The following CFAP43 variants were observed in gnomAD, a reference collection of about 807,000 sequenced individuals.
The protein encoded by CFAP43 is cilia- and flagella-associated protein 43.
Under a neutral mutation model 218.9 loss-of-function variants are expected in CFAP43, and 155 were observed. The observed-to-expected ratio is 0.71, with a 90% CI of 0.62 to 0.81. The LOEUF is 0.81. Ranked by LOEUF, CFAP43 falls within the 30% of genes least tolerant of loss-of-function variation. The pLI is 0.00. For synonymous variants in CFAP43, 645 were observed against 681.3 expected, an observed-to-expected ratio of 0.95 and a Z score of 0.83; for missense variants, 1,778 against 1,954.3, an observed-to-expected ratio of 0.91 and a Z score of 1.70.
intron 5 of CFAP43, 69 bp downstream of exon 5, chr10:104,211,937 CA>C: frequency 2.6e-6 from 4 of 1,516,582 alleles, no homozygotes; most frequent in Non-Finnish European, 3.6e-6. Context: ...ATGGTTATGC[CA>C]ATCAAATGAG....
chr10:104,166,772 A>C, intron 22 of CFAP43, 54 bp from the exon 23 acceptor site: 2 of 1,470,726 alleles, frequency 1.4e-6, no homozygotes, highest in South Asian at 2.6e-5. Flanking sequence ...AATCCTCTAA[A>C]GGGAAATTTT....
intron 12 of CFAP43, among the ~76,000 whole-genome samples, chr10:104,191,141 A>C (rs1051520890): frequency 1.3e-5 from 2 of 152,114 alleles, no homozygotes; most frequent in African/African-American, 4.8e-5. Context: ...TTTCTACTCC[A>C]TCCTTCACAC....
At chr10:104,218,508 G>C (rs562962541) in intron 3 of CFAP43, among the ~76,000 whole-genome samples, 1 of 151,942 alleles carries the variant, frequency 6.6e-6, no homozygotes, top group Non-Finnish European at 1.5e-5. Context: ...TGCTCTCTGA[G>C]GTTCTGATTT....
At chr10:104,168,710 C>T (rs1401646562) in intron 21 of CFAP43, 34 bp downstream of exon 21, 3 of 1,518,982 alleles carry the variant, frequency 2.0e-6, no homozygotes, top group Non-Finnish European at 2.7e-6. Context: ...TGACAATTCT[C>T]ATCAGGTTTT....
intron 12 of CFAP43, among the ~76,000 whole-genome samples, chr10:104,189,461 G>C (rs990991438): frequency 6.6e-6 from 1 of 152,140 alleles, no homozygotes; most frequent in Non-Finnish European, 1.5e-5. Flanking sequence ...ATCACCTGCT[G>C]ACTGGCAAAT....
intron 2 of CFAP43, among the ~76,000 whole-genome samples, chr10:104,227,806 A>G (rs1305460434): frequency 7.0e-6 from 1 of 143,508 alleles, no homozygotes; most frequent in Non-Finnish European, 1.5e-5. Flanking sequence ...CCTTCCTGGA[A>G]TCACTCCTCT....
chr10:104,184,879 A>T, intron 16 of CFAP43, 137 bp downstream of exon 16: 1 of 1,364,090 alleles, frequency 7.3e-7, no homozygotes, highest in South Asian at 1.5e-5. Context: ...TTCTCTTGGG[A>T]TCTGTGAGTA....
chr10:104,131,552 C>T, intron 36 of CFAP43, 68 bp from the exon 37 acceptor site: 2 of 1,472,170 alleles, frequency 1.4e-6, no homozygotes, highest in Non-Finnish European at 1.8e-6. Context: ...CCTATAAAGA[C>T]ATTATTCTTA....
Position 104,162,037 on chromosome 10 carries a change from G to A in CFAP43, c.3338C>T (p.Ala1113Val), listed in dbSNP as rs199579277. 2 of 1,612,414 alleles carry A rather than the reference G, an allele frequency of 1.2e-6. No individual in the cohort carries two copies. Among genetic ancestry groups the A allele is most frequent in the East Asian group, 4.5e-5 (2 of 44,874 alleles). Residue 1113 changes from alanine (A) to valine (V), a missense_variant, in exon 26 of 38, where the codon GCC (alanine) becomes GTC (valine). Ala to Val is a moderately conservative substitution (Grantham distance 64, BLOSUM62 0). This residue lies in a region of CFAP43 where 1,553 missense variants were observed against 1,685.2 expected (regional missense o/e 0.92). Transcript: ENST00000357060. Reference protein sequence around the residue: ...EKEHWLLIQDASTRLRALMDM... With the variant: ...EKEHWLLIQDVSTRLRALMDM... ...CATCAGAGCTCGGAGTCTTGTACTG[G>A]CATCCTGGGAAAGAGCCAGAATCAG...
Position 104,166,605 on chromosome 10 carries a change from C to A in CFAP43, c.2922G>T (p.Leu974Phe), listed in dbSNP as rs775957440. The A allele has an allele frequency of 3.1e-6, 5 of 1,614,096 alleles. 1 individual carries two copies. The South Asian group carries it at 5.5e-5, about 18-fold the overall frequency. The change falls in exon 23 of 38, where the codon TTG becomes TTT. Residue 974 changes from leucine (L) to phenylalanine (F), a missense_variant. Leu to Phe is a conservative substitution (Grantham distance 22, BLOSUM62 0). Around this residue, in one of 3 missense-constraint regions of CFAP43, gnomAD observed 1,553 missense variants for 1,685.2 expected, o/e 0.92. Transcript: ENST00000357060. The stretch of plus-strand genomic sequence containing the variant: ...TCAGACTACCAAGCAGGTAATTGGG[C>A]AAATTGCTATATTTTACTGTCTTGT... ...EEDKTVKYSN[L>F]PNYLLGSLST...
chr10:104,226,704 G>A (rs960315185), intron 2 of CFAP43, among the ~76,000 whole-genome samples: 2 of 151,864 alleles, frequency 1.3e-5, no homozygotes, highest in Non-Finnish European at 2.9e-5. Context: ...GCTTTTTATA[G>A]CTATACTAGC....
intron 4 of CFAP43, 136 bp from the exon 5 acceptor site, chr10:104,212,293 A>T: frequency 1.3e-6 from 1 of 790,858 alleles, no homozygotes; most frequent in Middle Eastern, 2.5e-4. Context: ...AAGCCAAATG[A>T]TAGATTTAAA....
At chr10:104,208,151 T>A (rs1414648958) in intron 5 of CFAP43, among the ~76,000 whole-genome samples, 1 of 152,194 alleles carries the variant, frequency 6.6e-6, no homozygotes, top group African/African-American at 2.4e-5. Context: ...GACACTTCTG[T>A]GGTGTCTGAT....
intron 15 of CFAP43, 50 bp downstream of exon 15, chr10:104,185,924 T>G: frequency 1.3e-6 from 2 of 1,539,760 alleles, no homozygotes; most frequent in Non-Finnish European, 1.8e-6. Context: ...GTTTCCTATA[T>G]GAGATCAATA....
intron 19 of CFAP43, among the ~76,000 whole-genome samples, chr10:104,177,360 A>C (rs976952917): frequency 1.6e-4 from 25 of 152,198 alleles, no homozygotes; most frequent in Non-Finnish European, 2.9e-4. Context: ...GGGAGTGGTT[A>C]ATGAACCTGG....
chr10:104,188,479 A>G (rs2090104607), intron 12 of CFAP43, 69 bp from the exon 13 acceptor site: 3 of 1,558,934 alleles, frequency 1.9e-6, no homozygotes, highest in Non-Finnish European at 1.7e-6. Flanking sequence ...TACCTTTCCA[A>G]TTAAGATATC....
intron 2 of CFAP43, 140 bp downstream of exon 2, chr10:104,230,450 G>T: frequency 8.8e-7 from 1 of 1,132,196 alleles, no homozygotes; most frequent in Non-Finnish European, 1.2e-6. Flanking sequence ...AGGCAACAGG[G>T]CAAAACTCCA....
chr10:104,145,516 G>T lies in CFAP43; in HGVS notation c.3904C>A (p.Gln1302Lys), dbSNP rs757714896. 1 of 1,603,648 alleles carries T rather than the reference G, an allele frequency of 6.2e-7. No homozygotes were observed. Among genetic ancestry groups the T allele is most frequent in the Non-Finnish European group, 8.5e-7 (1 of 1,172,496 alleles). Reference protein sequence around the residue: ...KKEFSEIPGHQVDILYKLFKR... With the variant: ...KKEFSEIPGHKVDILYKLFKR... ...AAAAGTTTGTAGAGTATATCCACTT[G>T]ATGACCAGGAATTTCAGAAAATTCC... The change falls in exon 31 of 38, where the codon CAA becomes AAA. Residue 1302 changes from glutamine to lysine, a missense_variant. Physicochemically the swap from Gln to Lys is moderately conservative, Grantham distance 53. Coordinates refer to ENST00000357060, the MANE Select transcript of CFAP43 (RefSeq NM_025145.7).
chr10:104,228,754 T>C (rs78686544), intron 2 of CFAP43, among the ~76,000 whole-genome samples: 1,757 of 152,332 alleles, frequency 0.012, 25 homozygotes, highest in African/African-American at 0.036. Flanking sequence ...TATGTTCTAA[T>C]TGTATGGGTA....
Sources: gnomAD v4.1 joint callset for allele counts (sites outside exome capture counted in the v4.1 genomes callset) on GRCh38, gnomAD v4.1.1 for gene constraint, gnomAD v4.1.1 regional missense constraint, MANE v1.5 for transcripts, NCBI Gene and HGNC (gene_info 2026-07-23, HGNC 2026-07-21) for gene names.